The following TMIGD3 variants were observed in gnomAD, a reference collection of about 807,000 sequenced individuals.
TMIGD3 encodes AD026 protein (AD026).
Under a neutral mutation model 28.1 loss-of-function variants are expected in TMIGD3, and 21 were observed. The ratio of observed to expected loss-of-function variants is 0.75; its 90% CI spans 0.53 to 1.08. The LOEUF (loss-of-function observed/expected upper bound fraction) is 1.08, where lower values mean the gene tolerates loss of function less well. Ranked by LOEUF, TMIGD3 falls within the 50% of genes least tolerant of loss-of-function variation. TMIGD3 has a pLI of 0.00. For missense variants in TMIGD3, 416 were observed against 435.6 expected (o/e 0.96, Z 0.40); for synonymous variants, 151 against 162.1 (o/e 0.93, Z 0.52).
intron 1 of TMIGD3, among the ~76,000 whole-genome samples, chr1:111,525,589 C>A (rs1656236470): frequency 6.6e-6 from 1 of 152,150 alleles, no homozygotes; most frequent in African/African-American, 2.4e-5. Context: ...TTTGGCTAGG[C>A]ACAGTGGCTC....
intron 1 of TMIGD3, among the ~76,000 whole-genome samples, chr1:111,538,297 T>A (rs1006714408): frequency 2.6e-5 from 4 of 152,196 alleles, no homozygotes. Context: ...AAGTTGACCA[T>A]ACAGGGAAGG....
intron 1 of TMIGD3, among the ~76,000 whole-genome samples, chr1:111,553,133 G>A (rs1275891445): frequency 1.3e-5 from 2 of 152,224 alleles, no homozygotes; most frequent in African/African-American, 4.8e-5. Flanking sequence ...CATCTTGTAA[G>A]CAGAGGCACA....
intron 1 of TMIGD3, among the ~76,000 whole-genome samples, chr1:111,545,294 T>C (rs1046832193): frequency 1.3e-5 from 2 of 151,910 alleles, no homozygotes; most frequent in Non-Finnish European, 2.9e-5. Flanking sequence ...TTATTTTTCC[T>C]TTTTTTTAAT....
At position 111,483,608 on chromosome 1, in the gene TMIGD3, C is replaced by G; in HGVS notation, c.*79G>C. 1 of 1,166,694 alleles carries G rather than the reference C, an allele frequency of 8.6e-7. No individual in the cohort carries two copies. Among genetic ancestry groups the G allele is most frequent in the East Asian group, 2.5e-5 (1 of 40,152 alleles). The allele number at this position is 1,166,694 out of a possible 1,614,324, so 72.3% of individuals were successfully genotyped here. ...GAATTCCTGGGAGATCAGAATCAGTCTCTGAGGTGTGGGCCAGTTGTCATG... is the reference window on the plus strand; with the variant it reads ...GAATTCCTGGGAGATCAGAATCAGTGTCTGAGGTGTGGGCCAGTTGTCATG... On this transcript the variant is annotated 3_prime_UTR_variant, in exon 6 of 6. Transcript: ENST00000369716.
chr1:111,503,775 A>C, upstream of TMIGD3: 1 of 1,018,700 alleles, frequency 9.8e-7, no homozygotes, highest in Non-Finnish European at 1.2e-6. Context: ...GCCAAGAGGA[A>C]GTACAGAGCT....
intron 1 of TMIGD3, among the ~76,000 whole-genome samples, chr1:111,543,159 T>G (rs1656906979): frequency 6.6e-6 from 1 of 152,112 alleles, no homozygotes; most frequent in Non-Finnish European, 1.5e-5. Context: ...AGGTGACAGC[T>G]CTTTGGTAAC....
At chr1:111,504,115 CAA>C, upstream of TMIGD3, 1 of 985,398 alleles carries the variant, frequency 1.0e-6, no homozygotes, top group Non-Finnish European at 1.2e-6. Context: ...GCCTTTGCAG[CAA>C]AGATCCTTGG....
intron 3 of TMIGD3, 102 bp downstream of exon 3, chr1:111,488,575 G>A: frequency 9.5e-7 from 1 of 1,047,554 alleles, no homozygotes; most frequent in East Asian, 2.5e-5. Flanking sequence ...GTACCCAGTG[G>A]GAGTCTGAGT....
intron 1 of TMIGD3, among the ~76,000 whole-genome samples, chr1:111,553,009 C>G (rs984372633): frequency 6.6e-6 from 1 of 152,248 alleles, no homozygotes; most frequent in Non-Finnish European, 1.5e-5. Context: ...CAGGTAAGAG[C>G]TCCACTTTTG....
chr1:111,496,679 A>C (rs1654899883), intron 1 of TMIGD3, among the ~76,000 whole-genome samples: 1 of 152,206 alleles, frequency 6.6e-6, no homozygotes, highest in African/African-American at 2.4e-5. Flanking sequence ...TGCCCAATTC[A>C]TGAATCATTG....
upstream of TMIGD3, among the ~76,000 whole-genome samples, chr1:111,505,743 C>T (rs34225315): frequency 2.5e-4 from 38 of 152,278 alleles, no homozygotes; most frequent in East Asian, 7.3e-3. Context: ...ATGCTGCAGC[C>T]TCCTACTCGG....
intron 3 of TMIGD3, among the ~76,000 whole-genome samples, chr1:111,487,126 A>G (rs554745554): frequency 1.1e-4 from 16 of 152,326 alleles, no homozygotes; most frequent in Admixed American, 9.8e-4. Context: ...GAGCAGTGGC[A>G]CCACGACCAC....
intron 1 of TMIGD3, among the ~76,000 whole-genome samples, chr1:111,520,478 C>A (rs1424210977): frequency 1.3e-5 from 2 of 152,186 alleles, no homozygotes; most frequent in Admixed American, 6.5e-5. Flanking sequence ...AAGATTAGGA[C>A]TTTTACTTTA....
At chr1:111,537,778 G>T (rs993020476) in intron 1 of TMIGD3, among the ~76,000 whole-genome samples, 178 of 152,280 alleles carry the variant, frequency 1.2e-3, no homozygotes, top group African/African-American at 3.8e-3. Context: ...AAGCCTGAAG[G>T]TATGCCTAAT....
At chr1:111,511,271 T>C (rs1655678436) in intron 1 of TMIGD3, among the ~76,000 whole-genome samples, 1 of 152,334 alleles carries the variant, frequency 6.6e-6, no homozygotes, top group Non-Finnish European at 1.5e-5. Context: ...TTCATTTTTA[T>C]GTCTTCCTCC....
At chr1:111,542,702 T>G (rs533638068) in intron 1 of TMIGD3, among the ~76,000 whole-genome samples, 11 of 152,222 alleles carry the variant, frequency 7.2e-5, no homozygotes, top group East Asian at 3.9e-4. Context: ...TTTTGTTTTT[T>G]TTTTCTTTTT....
At position 111,546,953 on chromosome 1, in the gene TMIGD3, T is replaced by G. The variant is rs559552375; in HGVS notation, c.107+16893A>C. On this transcript the variant is annotated intron_variant, in intron 1 of 5. Coordinates refer to the TMIGD3 transcript ENST00000369717. ...CATTGTTATTTTCTGTTTTGTTTTG[T>G]TTTGGTTTTTAATAATAGCCATCCT... 3.9e-5 allele frequency among the ~76,000 whole-genome samples: 6 copies of G among 152,304 alleles called. No homozygotes were observed. In the South Asian group the frequency reaches 8.3e-4, roughly 21 times the overall value.
At chr1:111,504,140 G>A, upstream of TMIGD3, 1 of 985,398 alleles carries the variant, frequency 1.0e-6, no homozygotes, top group Non-Finnish European at 1.2e-6. Context: ...AAAGGGATAA[G>A]CAAAGATTCC....
At position 111,485,874 on chromosome 1, in the gene TMIGD3, G is replaced by C. The variant is rs144064007; in HGVS notation, c.873-34C>G. The C allele has an allele frequency of 4.0e-4, 603 of 1,518,960 alleles. 9 individuals carry two copies. The East Asian group carries it at 0.014, about 34-fold the overall frequency. 94.1% of individuals were successfully genotyped at this position (1,518,960 alleles called of 1,614,324 possible). ...AACCACAGCAGATTTCATGTTGCTT[G>C]GAAGAAACTGCCTATTGATTCTCAG... On this transcript the variant is annotated intron_variant, in intron 4 of 5. Coordinates refer to ENST00000369716, the MANE Select transcript of TMIGD3 (RefSeq NM_020683.7).
Sources: gnomAD v4.1 joint callset for allele counts (sites outside exome capture counted in the v4.1 genomes callset) on GRCh38, gnomAD v4.1.1 for gene constraint, MANE v1.5 for transcripts, NCBI Gene and HGNC (gene_info 2026-07-23, HGNC 2026-07-21) for gene names.